ELMOD1: variants seen among roughly 807,000 people sequenced by gnomAD.
ELMOD1 encodes ELMO domain containing 1, also known as ELMO domain-containing protein 1.
ELMOD1 carries 21 observed loss-of-function variants against 46.7 expected under a neutral mutation model. The ratio of observed to expected loss-of-function variants is 0.45; its 90% CI spans 0.32 to 0.65. ELMOD1 has a LOEUF of 0.65. Among genes scored for constraint, ELMOD1 ranks in the 30% least tolerant of loss-of-function variants. The pLI is 0.04. For synonymous variants in ELMOD1, 122 were observed against 138.2 expected, an observed-to-expected ratio of 0.88 and a Z score of 0.82; for missense variants, 348 against 407.8, an observed-to-expected ratio of 0.85 and a Z score of 1.26.
chr11:107,655,877 A>C, intron 10 of ELMOD1, 56 bp from the exon 11 acceptor site: 1 of 1,556,642 alleles, frequency 6.4e-7, no homozygotes, highest in South Asian at 1.2e-5. Flanking sequence ...TGCTAATGGG[A>C]AATACTTATT....
At chr11:107,615,348 G>A (rs1865844525) in intron 1 of ELMOD1, among the ~76,000 whole-genome samples, 1 of 142,806 alleles carries the variant, frequency 7.0e-6, no homozygotes, top group African/African-American at 2.6e-5. Context: ...CGATTCTCCT[G>A]CCTCAGCCTC....
rs183783289 is a variant in ELMOD1 at position 107,624,893 on chromosome 11, G to A, written c.18-5524G>A. On this transcript the variant is annotated intron_variant, in intron 2 of 11. Transcript: ENST00000265840. ...TTTTGAATAACATTGATCTATGATA[G>A]ATATATAACCACCAATCCCCTTAAT... Among the ~76,000 whole-genome samples the A allele has an allele frequency of 2.4e-3, 363 of 152,230 alleles. 1 individual carries two copies. The highest frequency in any genetic ancestry group is 8.4e-3 in the African/African-American group (347 of 41,544).
chr11:107,605,931 G>T (rs571960365), intron 1 of ELMOD1, among the ~76,000 whole-genome samples: 2 of 152,122 alleles, frequency 1.3e-5, no homozygotes, highest in South Asian at 4.1e-4. Flanking sequence ...GTAATTTTTC[G>T]TGTCGCTTCT....
chr11:107,596,738 G>A (rs1244098261), intron 1 of ELMOD1, among the ~76,000 whole-genome samples: 2 of 152,068 alleles, frequency 1.3e-5, no homozygotes, highest in East Asian at 3.8e-4. Flanking sequence ...CATGGATAAT[G>A]TATATGTAGC....
At chr11:107,606,488 A>C (rs1865686696) in intron 1 of ELMOD1, among the ~76,000 whole-genome samples, 1 of 152,212 alleles carries the variant, frequency 6.6e-6, no homozygotes, top group Non-Finnish European at 1.5e-5. Flanking sequence ...GCATATGTGC[A>C]GAACATAATA....
At chr11:107,644,506 G>A (rs930979830) in intron 6 of ELMOD1, among the ~76,000 whole-genome samples, 7 of 151,096 alleles carry the variant, frequency 4.6e-5, no homozygotes, top group Non-Finnish European at 8.8e-5. Context: ...ACAGAGTCTC[G>A]CTCTGTAGCC....
intron 11 of ELMOD1, among the ~76,000 whole-genome samples, chr11:107,659,459 C>T (rs1866691193): frequency 6.6e-6 from 1 of 152,056 alleles, no homozygotes; most frequent in African/African-American, 2.4e-5. Context: ...TAGAAAGGCT[C>T]TAGCTACAGA....
chr11:107,650,018 C>T (rs528970452), intron 7 of ELMOD1, among the ~76,000 whole-genome samples: 66 of 152,282 alleles, frequency 4.3e-4, no homozygotes, highest in African/African-American at 1.5e-3. Context: ...CCAAACTATT[C>T]GACCTCCTCT....
intron 11 of ELMOD1, among the ~76,000 whole-genome samples, chr11:107,658,105 T>A (rs999947196): frequency 6.6e-6 from 1 of 152,096 alleles, no homozygotes; most frequent in African/African-American, 2.4e-5. Flanking sequence ...GAGAAAAAAA[T>A]TTTTTAATCA....
intron 10 of ELMOD1, 94 bp from the exon 11 acceptor site, chr11:107,655,839 G>A (rs185860716): frequency 7.5e-6 from 10 of 1,327,790 alleles, no homozygotes; most frequent in Admixed American, 4.6e-5. Context: ...GTACACTGTC[G>A]TGGCACTGGT....
intron 1 of ELMOD1, chr11:107,592,283 G>A (rs1402060912): frequency 5.7e-6 from 3 of 524,232 alleles, no homozygotes; most frequent in Non-Finnish European, 1.2e-5. Flanking sequence ...ACAGTGCCCT[G>A]AGCTTTCCAC....
chr11:107,606,249 C>A (rs1012510848), intron 1 of ELMOD1, among the ~76,000 whole-genome samples: 5 of 152,130 alleles, frequency 3.3e-5, no homozygotes, highest in Non-Finnish European at 7.3e-5. Flanking sequence ...TAATTCAAAC[C>A]TAAGTGAATC....
intron 1 of ELMOD1, among the ~76,000 whole-genome samples, chr11:107,610,372 A>G (rs2135665027): frequency 6.6e-6 from 1 of 152,288 alleles, no homozygotes; most frequent in Non-Finnish European, 1.5e-5. Context: ...TACACAAATA[A>G]AACGTCAATA....
intron 1 of ELMOD1, among the ~76,000 whole-genome samples, chr11:107,611,070 C>CT (rs1433457561): frequency 2.0e-5 from 3 of 146,680 alleles, no homozygotes; most frequent in Non-Finnish European, 4.5e-5. Flanking sequence ...GAATTTATGA[C>CT]TAAGTCTTCA....
rs376599484 is a variant in ELMOD1, at chr11:107,613,451, A to G, written c.-85-4654A>G. 1.2e-3 allele frequency among the ~76,000 whole-genome samples: 187 copies of G among 151,928 alleles called. 1 individual carries two copies. Among genetic ancestry groups the G allele is most frequent in the African/African-American group, 4.4e-3 (181 of 41,440 alleles). The stretch of plus-strand genomic sequence containing the variant: ...ACTTGTGCTCTCAACCACCATGCAC[A>G]CTCCCTGCCATATCTGCCAAATTTT... On this transcript the variant is annotated intron_variant, in intron 1 of 11. Transcript: ENST00000265840.
At chr11:107,606,319 C>T (rs183978220) in intron 1 of ELMOD1, among the ~76,000 whole-genome samples, 18 of 152,286 alleles carry the variant, frequency 1.2e-4, no homozygotes, top group Admixed American at 1.1e-3. Flanking sequence ...GTTGGCTCAG[C>T]GGGAACCCAG....
At chr11:107,623,305 G>C (rs957912531) in intron 2 of ELMOD1, 4 of 152,204 alleles carry the variant, frequency 2.6e-5, no homozygotes, top group African/African-American at 9.7e-5. Context: ...GACCTTCCCA[G>C]AGCCTGCCCA....
chr11:107,625,241 A>G (rs1470314507), intron 2 of ELMOD1, among the ~76,000 whole-genome samples: 1 of 152,232 alleles, frequency 6.6e-6, no homozygotes. Flanking sequence ...CAGTGGAGCA[A>G]CTAAATGATC....
At chr11:107,598,411 G>T (rs1336850028) in intron 1 of ELMOD1, among the ~76,000 whole-genome samples, 1 of 152,228 alleles carries the variant, frequency 6.6e-6, no homozygotes. Flanking sequence ...ACACTGGGAA[G>T]GGGAAATGAC....
Sources: allele counts gnomAD v4.1 joint callset (sites outside exome capture counted in the v4.1 genomes callset), GRCh38; gene constraint gnomAD v4.1.1; transcripts MANE v1.5; gene names NCBI Gene and HGNC (gene_info 2026-07-23, HGNC 2026-07-21).